DNAJC5B: variants seen among roughly 807,000 people sequenced by gnomAD.
The protein encoded by DNAJC5B is dnaJ homolog subfamily C member 5B.
Under a neutral mutation model 24.7 loss-of-function variants are expected in DNAJC5B, and 23 were observed. That is an observed-to-expected ratio of 0.93 (90% CI 0.67 to 1.32). The LOEUF (loss-of-function observed/expected upper bound fraction) is 1.32. DNAJC5B is among the 40% of genes most tolerant of loss of function. The pLI, the probability that DNAJC5B is intolerant of heterozygous loss-of-function variation, is 0.00. For missense variants in DNAJC5B, 238 were observed against 240.8 expected, an observed-to-expected ratio of 0.99 and a Z score of 0.08; for synonymous variants, 101 against 90.1, an observed-to-expected ratio of 1.12 and a Z score of -0.68.
At chr8:66,070,937 A>C (rs1209254592) in intron 3 of DNAJC5B, among the ~76,000 whole-genome samples, 7 of 152,204 alleles carry the variant, frequency 4.6e-5, no homozygotes, top group Non-Finnish European at 8.8e-5. Flanking sequence ...ACCTGACACA[A>C]ACAAGCAATG....
At chr8:66,070,485 A>G (rs1425985688) in intron 3 of DNAJC5B, among the ~76,000 whole-genome samples, 1 of 152,184 alleles carries the variant, frequency 6.6e-6, no homozygotes, top group Non-Finnish European at 1.5e-5. Flanking sequence ...ATACCTAGGA[A>G]TCCAACTTGA....
At chr8:66,031,033 T>C (rs937717191) in intron 1 of DNAJC5B, among the ~76,000 whole-genome samples, 5 of 152,252 alleles carry the variant, frequency 3.3e-5, no homozygotes, top group Non-Finnish European at 7.3e-5. Context: ...ACCACCTCTA[T>C]AAGTTGCAGA....
chr8:66,018,959 C>T (rs1187914871), upstream of DNAJC5B, among the ~76,000 whole-genome samples: 1 of 152,230 alleles, frequency 6.6e-6, no homozygotes, highest in African/African-American at 2.4e-5. Flanking sequence ...GCTATGCAGG[C>T]TTCCCTCATC....
At chr8:66,050,304 T>A (rs1476488809) in intron 2 of DNAJC5B, among the ~76,000 whole-genome samples, 1 of 151,758 alleles carries the variant, frequency 6.6e-6, no homozygotes, top group Non-Finnish European at 1.5e-5. Flanking sequence ...CAAGAAAAAA[T>A]ATGCATGTAC....
chr8:66,086,594 A>C (rs1807729818), intron 5 of DNAJC5B, among the ~76,000 whole-genome samples: 1 of 152,222 alleles, frequency 6.6e-6, no homozygotes, highest in African/African-American at 2.4e-5. Flanking sequence ...CTGGCAAGGA[A>C]GAAGACAAAA....
rs917676987 is a variant in DNAJC5B, at chr8:66,024,033, C to T, written c.-142+2328C>T. Among the ~76,000 whole-genome samples the T allele has an allele frequency of 4.4e-4, 67 of 152,142 alleles. 3 individuals carry two copies. The highest frequency in any genetic ancestry group is 6.5e-5 in the Admixed American group (1 of 15,270). On this transcript the variant is annotated intron_variant, in intron 1 of 5. Transcript: ENST00000276570. ...TTTTTAAATATAAATAGAGACCTAA[C>T]TTTTATAGTCATCAGCGCCATCATT...
chr8:66,040,742 C>T (rs1426264927), intron 1 of DNAJC5B, among the ~76,000 whole-genome samples: 1 of 152,150 alleles, frequency 6.6e-6, no homozygotes, highest in African/African-American at 2.4e-5. Context: ...TGGGTGGGCC[C>T]TGGGCGTCAG....
Position 66,043,716 on chromosome 8 carries a change from G to A in DNAJC5B, c.-18+105G>A, listed in dbSNP as rs1003956173. On this transcript the variant is annotated intron_variant, in intron 2 of 5. Transcript: ENST00000276570. ...TGTTCCTGTTTGCGGACACAGAATCGGGGTTCCGGGTTCCAGGAACAGGTA... is the reference window on the plus strand; with the variant it reads ...TGTTCCTGTTTGCGGACACAGAATCAGGGTTCCGGGTTCCAGGAACAGGTA... 9 of 152,200 alleles carry A rather than the reference G, an allele frequency of 5.9e-5. 1 individual carries two copies. Among genetic ancestry groups the A allele is most frequent in the African/African-American group, 1.2e-4 (5 of 41,508 alleles). The allele number at this position is 152,200 out of a possible 1,614,324, so 9.4% of individuals were successfully genotyped here.
chr8:66,092,229 C>A (rs1807863113), intron 5 of DNAJC5B, among the ~76,000 whole-genome samples: 1 of 152,152 alleles, frequency 6.6e-6, no homozygotes, highest in Non-Finnish European at 1.5e-5. Flanking sequence ...CAAGATTTGA[C>A]TAGAAAAAGA....
At chr8:66,018,381 G>C (rs1218896280), upstream of DNAJC5B, among the ~76,000 whole-genome samples, 1 of 106,834 alleles carries the variant, frequency 9.4e-6, no homozygotes, top group African/African-American at 1.0e-4. Context: ...AGCTGGGCGT[G>C]GTGGGGGGGG....
intron 1 of DNAJC5B, among the ~76,000 whole-genome samples, chr8:66,030,710 C>A (rs1401935495): frequency 6.6e-6 from 1 of 152,122 alleles, no homozygotes; most frequent in Non-Finnish European, 1.5e-5. Flanking sequence ...GATCTCAGCT[C>A]ACTGCAACCT....
chr8:66,017,461 T>A (rs1805985183), upstream of DNAJC5B, among the ~76,000 whole-genome samples: 1 of 152,242 alleles, frequency 6.6e-6, no homozygotes, highest in Non-Finnish European at 1.5e-5. Flanking sequence ...AACAGAAAGA[T>A]CTTTCTGATT....
chr8:66,083,687 T>C (rs1807654428), intron 5 of DNAJC5B, among the ~76,000 whole-genome samples: 1 of 152,172 alleles, frequency 6.6e-6, no homozygotes, highest in Non-Finnish European at 1.5e-5. Flanking sequence ...CAGTGAGCTG[T>C]AGGAATCTAC....
rs73691284 is a variant in DNAJC5B at position 66,078,350 on chromosome 8, C to T, written c.333+1477C>T. 6.3e-3 allele frequency among the ~76,000 whole-genome samples: 958 copies of T among 152,188 alleles called. 13 individuals are homozygous for T. The highest frequency in any genetic ancestry group is 0.021 in the African/African-American group (876 of 41,506). ...CGGCACCCATCAGAATGGCCCTGCACGTAGCAATCATGTGATAAATATGCA... is the reference window on the plus strand; with the variant it reads ...CGGCACCCATCAGAATGGCCCTGCATGTAGCAATCATGTGATAAATATGCA... On this transcript the variant is annotated intron_variant, in intron 4 of 5. Coordinates refer to ENST00000276570, the MANE Select transcript of DNAJC5B (RefSeq NM_033105.6).
At chr8:66,036,853 C>T (rs1331341275) in intron 1 of DNAJC5B, among the ~76,000 whole-genome samples, 1 of 152,158 alleles carries the variant, frequency 6.6e-6, no homozygotes, top group Non-Finnish European at 1.5e-5. Context: ...GCTTTTGGGG[C>T]CACTTGCTGG....
chr8:66,034,560 T>C (rs184133946), intron 1 of DNAJC5B, among the ~76,000 whole-genome samples: 96 of 147,370 alleles, frequency 6.5e-4, no homozygotes, highest in Admixed American at 7.5e-4. Flanking sequence ...CATGAGGGAG[T>C]TGTTGGCAAG....
chr8:66,028,237 G>A (rs747796022), intron 1 of DNAJC5B, among the ~76,000 whole-genome samples: 3 of 152,096 alleles, frequency 2.0e-5, no homozygotes, highest in East Asian at 1.9e-4. Context: ...TTTTGGCCCC[G>A]GCACAACCGC....
At chr8:66,022,240 G>A (rs1346708473) in intron 1 of DNAJC5B, among the ~76,000 whole-genome samples, 1 of 152,226 alleles carries the variant, frequency 6.6e-6, no homozygotes, top group African/African-American at 2.4e-5. Context: ...CATTGCTGGG[G>A]ATGCGGACAG....
chr8:66,033,897 C>T (rs554124268), intron 1 of DNAJC5B, among the ~76,000 whole-genome samples: 3 of 150,966 alleles, frequency 2.0e-5, no homozygotes, highest in Non-Finnish European at 4.4e-5. Context: ...GGATGGTGTC[C>T]AGAGATGTGG....
Sources: allele counts gnomAD v4.1 joint callset (sites outside exome capture counted in the v4.1 genomes callset), GRCh38; gene constraint gnomAD v4.1.1; transcripts MANE v1.5; gene names NCBI Gene and HGNC (gene_info 2026-07-23, HGNC 2026-07-21).